MGAT5B: variants seen among roughly 807,000 people sequenced by gnomAD.
The protein encoded by MGAT5B is alpha-1,6-mannosylglycoprotein 6-beta-N-acetylglucosaminyltransferase B, also known as N-acetylglucosaminyl-transferase Vb.
In MGAT5B, 54 loss-of-function variants were observed where a neutral mutation model predicts 95.1. That is an observed-to-expected ratio of 0.57 (90% CI 0.46 to 0.71). The LOEUF is 0.71. Among genes scored for constraint, MGAT5B ranks in the 30% least tolerant of loss-of-function variants. MGAT5B has a pLI of 0.00. For synonymous variants in MGAT5B, 464 were observed against 451.0 expected, an observed-to-expected ratio of 1.03 and a Z score of -0.36; for missense variants, 935 against 1,088.6, an observed-to-expected ratio of 0.86 and a Z score of 1.99.
Position 76,906,059 on chromosome 17 carries a change from C to T in MGAT5B, c.897C>T (p.Asp299=), listed in dbSNP as rs143360777. 62 of 1,608,336 alleles carry T rather than the reference C, an allele frequency of 3.9e-5. No individual in the cohort carries two copies. The highest frequency in any genetic ancestry group is 1.7e-4 in the Middle Eastern group (1 of 6,006). ...HIGFLTEESG[D]VFSPRVLKGG... ...GCTTCCTGACGGAGGAGTCCGGGGACGTGTTCAGCCCTCGGGTCCTGAAGG... is the reference window on the plus strand; with the variant it reads ...GCTTCCTGACGGAGGAGTCCGGGGATGTGTTCAGCCCTCGGGTCCTGAAGG... The change falls in exon 8 of 18, where the codon GAC becomes GAT. Residue 299 remains aspartate, a synonymous_variant. Transcript: ENST00000569840. This position sits in a 1 kb window ranked among gnomAD's most constrained non-coding sequence, Gnocchi z 4.6.
intron 2 of MGAT5B, 96 bp downstream of exon 2, chr17:76,873,059 G>A (rs1967064767): frequency 7.2e-7 from 1 of 1,391,486 alleles, no homozygotes; most frequent in Non-Finnish European, 9.9e-7. Context: ...CTGGCTTTCT[G>A]GCCGCCCTGT....
At chr17:76,897,230 T>C (rs1457761586) in intron 3 of MGAT5B, among the ~76,000 whole-genome samples, 1 of 152,196 alleles carries the variant, frequency 6.6e-6, no homozygotes, top group African/African-American at 2.4e-5. Flanking sequence ...GACTCTCTTT[T>C]GCGGTGGATT....
intron 3 of MGAT5B, among the ~76,000 whole-genome samples, chr17:76,883,360 G>C (rs930578916): frequency 1.3e-5 from 2 of 152,136 alleles, no homozygotes; most frequent in Non-Finnish European, 2.9e-5. Flanking sequence ...TGGATACTAT[G>C]TACCCCTGGC....
chr17:76,887,490 C>CTCT (rs1967690826), intron 3 of MGAT5B, among the ~76,000 whole-genome samples: 1 of 99,470 alleles, frequency 1.0e-5, no homozygotes, highest in Non-Finnish European at 2.0e-5. Flanking sequence ...TCCCTCCCTC[C>CTCT]CTCCCTTCCT....
In MGAT5B at chr17:76,868,647, G is replaced by C. The variant is rs1271129479; in HGVS notation, c.-383G>C. On this transcript the variant is annotated 5_prime_UTR_variant, in exon 1 of 18. Transcript: ENST00000569840. The surrounding 1 kb of genome is among the most constrained non-coding windows in gnomAD (Gnocchi z 6.3). Reference sequence around the variant, plus strand: ...CGCCTTTAGCCGGCACCGAGGGCGCGGGGCCGGGGATGAGGGCGCCCGCCG... The same window carrying C: ...CGCCTTTAGCCGGCACCGAGGGCGCCGGGCCGGGGATGAGGGCGCCCGCCG... The C allele has an allele frequency of 6.7e-6, 1 of 148,156 alleles. No homozygotes were observed. The highest frequency in any genetic ancestry group is 1.5e-5 in the Non-Finnish European group (1 of 66,446). 9.2% of individuals were successfully genotyped at this position (148,156 alleles called of 1,614,324 possible).
rs1166775581 is a variant in MGAT5B at position 76,930,262 on chromosome 17, C to CT, written c.1292-2382dup. ...CTTACACAGGAAAGCATCATCTCTT[C>CT]TAAGCTGTACCAGATGTTGATTATT... On this transcript the variant is annotated intron_variant, in intron 10 of 17. Transcript: ENST00000569840. The surrounding 1 kb of genome is among the most constrained non-coding windows in gnomAD (Gnocchi z 4.1). Among the ~76,000 whole-genome samples the CT allele has an allele frequency of 6.7e-6, 1 of 149,900 alleles. No individual in the cohort carries two copies. Among genetic ancestry groups the CT allele is most frequent in the East Asian group, 2.0e-4 (1 of 4,996 alleles).
intron 8 of MGAT5B, chr17:76,913,815 A>G (rs1188894891): frequency 2.2e-6 from 1 of 457,322 alleles, no homozygotes; most frequent in Admixed American, 2.3e-5. Flanking sequence ...TGTCCAAAGA[A>G]TTTGGTCACA....
intron 3 of MGAT5B, among the ~76,000 whole-genome samples, chr17:76,884,707 G>A (rs775050985): frequency 3.1e-4 from 47 of 151,504 alleles, no homozygotes; most frequent in Non-Finnish European, 5.2e-4. Context: ...GGGTTCAAGC[G>A]ATTCTCCTGC....
intron 2 of MGAT5B, among the ~76,000 whole-genome samples, chr17:76,877,858 CAGAG>C (rs1435530928): frequency 4.0e-5 from 6 of 151,646 alleles, no homozygotes; most frequent in African/African-American, 9.7e-5. Flanking sequence ...ATGAGAGAGA[CAGAG>C]AGAGACGAAG....
In MGAT5B at chr17:76,946,378, A is replaced by C; in HGVS notation, c.1851A>C (p.Val617=). 6.2e-7 allele frequency: 1 copy of C among 1,606,274 alleles called. No homozygotes were observed. Among genetic ancestry groups the C allele is most frequent in the Non-Finnish European group, 8.5e-7 (1 of 1,176,086 alleles). The stretch of plus-strand genomic sequence containing the variant: ...GTGTCTGCCCATCCCTCCCACAGGT[A>C]GACCCCTACCTACCCTACGAGTACA... ...AAIKAIMRTQ[V]DPYLPYEYTC... Residue 617 remains valine, a splice_region_variant and synonymous_variant, in exon 16 of 18, where the codon GTA becomes GTC. Coordinates refer to ENST00000569840, the MANE Select transcript of MGAT5B (RefSeq NM_001199172.2).
At chr17:76,891,802 T>C (rs2145158689) in intron 3 of MGAT5B, among the ~76,000 whole-genome samples, 1 of 152,296 alleles carries the variant, frequency 6.6e-6, no homozygotes, top group African/African-American at 2.4e-5. Flanking sequence ...TTGCCTCCTT[T>C]GACAGACAAG....
Position 76,914,793 on chromosome 17 carries a change from A to G in MGAT5B, c.1025+8606A>G, listed in dbSNP as rs561713985. ...GCTGGGACTACAGGAATGTGCCACC[A>G]TGCCCAGCTAATTTTTGTATTTTTA... is the stretch of plus-strand genomic sequence containing the variant. On this transcript the variant is annotated intron_variant, in intron 8 of 17. Coordinates refer to ENST00000569840, the MANE Select transcript of MGAT5B (RefSeq NM_001199172.2). This position sits in a 1 kb window ranked among gnomAD's most constrained non-coding sequence, Gnocchi z 5.1. Among the ~76,000 whole-genome samples the G allele has an allele frequency of 2.4e-4, 36 of 152,248 alleles. No individual in the cohort carries two copies. The highest frequency in any genetic ancestry group is 7.9e-4 in the African/African-American group (33 of 41,554).
chr17:76,948,951 C>T lies in MGAT5B; in HGVS notation c.*113C>T, dbSNP rs952390076. 1.5e-5 allele frequency: 18 copies of T among 1,203,132 alleles called. No individual in the cohort carries two copies. The highest frequency in any genetic ancestry group is 1.6e-5 in the Non-Finnish European group (14 of 878,340). 74.5% of individuals were successfully genotyped at this position (1,203,132 alleles called of 1,614,324 possible). On this transcript the variant is annotated 3_prime_UTR_variant, in exon 18 of 18. Transcript: ENST00000569840. Reference sequence around the variant, plus strand: ...TGTCCTCCTCGCAACCCCCCCAGGCCGGAGCTTCCTTCCTTAGCCGGGAAG... The same window carrying T: ...TGTCCTCCTCGCAACCCCCCCAGGCTGGAGCTTCCTTCCTTAGCCGGGAAG...
At position 76,925,080 on chromosome 17, in the gene MGAT5B, C is replaced by G; in HGVS notation, c.1140C>G (p.Leu380=). 1 of 1,611,340 alleles carries G rather than the reference C, an allele frequency of 6.2e-7. No individual in the cohort carries two copies. Among genetic ancestry groups the G allele is most frequent in the Non-Finnish European group, 8.5e-7 (1 of 1,179,332 alleles). Residue 380 remains leucine (L), a synonymous_variant, in exon 9 of 18, where the codon CTC becomes CTG. Coordinates refer to ENST00000569840, the MANE Select transcript of MGAT5B (RefSeq NM_001199172.2). ...AGCAGATGAAGCGGCACATGGGACT[C>G]TCCTTCAAGAAGTACCGGTGAGAGG... The part of the protein sequence containing the change: ...GLQQMKRHMG[L]SFKKYRCRIR...
chr17:76,905,731 A>G lies in MGAT5B; in HGVS notation c.856-287A>G, dbSNP rs1968500977. 7.9e-6 allele frequency among the ~76,000 whole-genome samples: 1 copy of G among 127,340 alleles called. No individual in the cohort carries two copies. The highest frequency in any genetic ancestry group is 8.3e-5 in the Admixed American group (1 of 12,020). 83.5% of individuals were successfully genotyped at this position (127,340 alleles called of 152,430 possible). ...TACGTGGCTCTCACATTGCCCTTTTATTTCTTTCAGAGCCCTTATCATTTC... is the reference window on the plus strand; with the variant it reads ...TACGTGGCTCTCACATTGCCCTTTTGTTTCTTTCAGAGCCCTTATCATTTC... On this transcript the variant is annotated intron_variant, in intron 7 of 17. Transcript: ENST00000569840. This position sits in a 1 kb window ranked among gnomAD's most constrained non-coding sequence, Gnocchi z 4.2.
intron 17 of MGAT5B, 85 bp from the exon 18 acceptor site, chr17:76,948,555 T>C: frequency 7.3e-7 from 1 of 1,364,366 alleles, no homozygotes; most frequent in Non-Finnish European, 1.0e-6. Context: ...CAGGCAGGAC[T>C]AGGCTGGGGG....
At chr17:76,887,367 TC>T (rs1350567669) in intron 3 of MGAT5B, among the ~76,000 whole-genome samples, 2 of 151,362 alleles carry the variant, frequency 1.3e-5, no homozygotes, top group Admixed American at 1.3e-4. Flanking sequence ...GAAGCCCACC[TC>T]TTCTCACCCC....
chr17:76,911,904 G>C (rs569366550), intron 8 of MGAT5B, among the ~76,000 whole-genome samples: 1 of 152,294 alleles, frequency 6.6e-6, no homozygotes, highest in African/African-American at 2.4e-5. Context: ...CCAAGAGCCA[G>C]GTTTTGGCAG....
chr17:76,903,239 C>T lies in MGAT5B; in HGVS notation c.446-64C>T, dbSNP rs1968385540. The T allele has an allele frequency of 4.4e-6, 6 of 1,349,826 alleles. No homozygotes were observed. In the East Asian group the frequency reaches 1.5e-4, roughly 33 times the overall value. 83.6% of individuals were successfully genotyped at this position (1,349,826 alleles called of 1,614,324 possible). A position where few individuals can be genotyped will look rare whatever the true frequency, so the allele number is the denominator to read the frequency against. The stretch of plus-strand genomic sequence containing the variant: ...TGTGTGGGAAGCTGCCTCCCGCACG[C>T]AGGCCTCCCTCCCTGGGCTCCTCCT... On this transcript the variant is annotated intron_variant, in intron 4 of 17. Coordinates refer to ENST00000569840, the MANE Select transcript of MGAT5B (RefSeq NM_001199172.2).
Sources: gnomAD v4.1 joint callset for allele counts (sites outside exome capture counted in the v4.1 genomes callset) on GRCh38, gnomAD v4.1.1 for gene constraint, Gnocchi (gnomAD v3.1) non-coding constraint, MANE v1.5 for transcripts, NCBI Gene and HGNC (gene_info 2026-07-23, HGNC 2026-07-21) for gene names.